The following SNAP91 variants were observed in gnomAD, a reference collection of about 807,000 sequenced individuals.
SNAP91 encodes the protein clathrin coat assembly protein AP180.
SNAP91 carries 27 observed loss-of-function variants against 100.3 expected under a neutral mutation model. That is an observed-to-expected ratio of 0.27 (90% CI 0.20 to 0.37). SNAP91 has a LOEUF of 0.37. Ranked by LOEUF, SNAP91 falls within the 10% of genes least tolerant of loss-of-function variation. The pLI is 1.00. For synonymous variants in SNAP91, 404 were observed against 398.6 expected (o/e 1.01, Z -0.16); for missense variants, 986 against 1,123.7 (o/e 0.88, Z 1.75).
chr6:83,706,166 T>C (rs1409334284), intron 2 of SNAP91, among the ~76,000 whole-genome samples: 1 of 152,262 alleles, frequency 6.6e-6, no homozygotes, highest in African/African-American at 2.4e-5. Flanking sequence ...GTGAATGTTC[T>C]CTGAAATATA....
Position 83,591,186 on chromosome 6 carries a change from C to CA in SNAP91, c.2014+24dup, listed in dbSNP as rs572298497. The CA allele has an allele frequency of 1.4e-3, 2,011 of 1,471,864 alleles. 17 individuals carry two copies. The African/African-American group carries it at 0.024, about 18-fold the overall frequency. 91.2% of individuals were successfully genotyped at this position (1,471,864 alleles called of 1,614,324 possible). A position where few individuals can be genotyped will look rare whatever the true frequency, so the allele number is the denominator to read the frequency against. ...AAAATATATCCAAATTTAACTTCTA[C>CA]AAAATACCATTTTAATTTAATTACC... On this transcript the variant is annotated intron_variant, in intron 22 of 29. Coordinates refer to ENST00000369694, the MANE Select transcript of SNAP91 (RefSeq NM_001242792.2).
chr6:83,676,877 G>A (rs772216005), intron 2 of SNAP91, among the ~76,000 whole-genome samples: 2 of 152,124 alleles, frequency 1.3e-5, no homozygotes, highest in Non-Finnish European at 2.9e-5. Flanking sequence ...CAATGGGATA[G>A]AAGCAGGAAA....
intron 2 of SNAP91, among the ~76,000 whole-genome samples, chr6:83,673,312 G>A (rs2098814991): frequency 6.6e-6 from 1 of 152,016 alleles, no homozygotes; most frequent in Admixed American, 6.6e-5. Flanking sequence ...CTCATGAATG[G>A]GATTAGTATC....
Position 83,683,504 on chromosome 6 carries a change from C to CTCT in SNAP91, c.131-17926_131-17924dup, listed in dbSNP as rs1189698673. 5.3e-5 allele frequency among the ~76,000 whole-genome samples: 8 copies of CTCT among 152,274 alleles called. No homozygotes were observed. In the East Asian group the frequency reaches 1.2e-3, roughly 22 times the overall value. On this transcript the variant is annotated intron_variant, in intron 2 of 29. Transcript: ENST00000369694. ...CATCTCCTCCTCTCTCTTGCTCCCT[C>CTCT]TCTTGCCATGTGACATGCCTGCTCC...
At chr6:83,580,369 G>C (rs1826250008) in intron 24 of SNAP91, 81 bp downstream of exon 24, 2 of 460,918 alleles carry the variant, frequency 4.3e-6, no homozygotes, top group Non-Finnish European at 6.3e-6. Flanking sequence ...CATATGAGAT[G>C]AGAGAGAGAG....
intron 22 of SNAP91, among the ~76,000 whole-genome samples, chr6:83,588,842 A>G (rs1000918864): frequency 2.0e-5 from 3 of 152,076 alleles, no homozygotes; most frequent in African/African-American, 7.2e-5. Context: ...ATGGAGGAGG[A>G]TCCTGGAGTA....
In SNAP91 at chr6:83,631,617, T is replaced by C. The variant is rs536130873; in HGVS notation, c.766-8275A>G. Among the ~76,000 whole-genome samples, 7 of 152,232 alleles carry C rather than the reference T, an allele frequency of 4.6e-5. No homozygotes were observed. The East Asian group carries it at 9.6e-4, about 21-fold the overall frequency. On this transcript the variant is annotated intron_variant, in intron 8 of 29. Coordinates refer to ENST00000369694, the MANE Select transcript of SNAP91 (RefSeq NM_001242792.2). Reference sequence around the variant, plus strand: ...TCCTTTTTTTGTCTTTTTTAACTGCTGTTAAAGTTTGTATTGTCTGATATA... The same window carrying C: ...TCCTTTTTTTGTCTTTTTTAACTGCCGTTAAAGTTTGTATTGTCTGATATA...
At chr6:83,663,783 T>C (rs1207888332) in intron 3 of SNAP91, among the ~76,000 whole-genome samples, 1 of 152,124 alleles carries the variant, frequency 6.6e-6, no homozygotes, top group Non-Finnish European at 1.5e-5. Context: ...AAACAGATTT[T>C]CAATGTAGAT....
chr6:83,611,676 G>A (rs2096084928), intron 11 of SNAP91, among the ~76,000 whole-genome samples: 1 of 151,414 alleles, frequency 6.6e-6, no homozygotes. Context: ...AAATTTAACA[G>A]TATTATATGC....
chr6:83,628,522 T>TG, intron 8 of SNAP91, among the ~76,000 whole-genome samples: 1 of 149,320 alleles, frequency 6.7e-6, no homozygotes, highest in African/African-American at 2.5e-5. Flanking sequence ...CAACATCTAC[T>TG]GTTTTTTTTT....
intron 10 of SNAP91, among the ~76,000 whole-genome samples, chr6:83,615,369 G>A (rs969975128): frequency 3.5e-4 from 53 of 152,244 alleles, no homozygotes; most frequent in African/African-American, 9.4e-4. Context: ...TAACTTTAGC[G>A]GATGTACATA....
chr6:83,559,699 CTT>C (rs5877850), intron 28 of SNAP91, among the ~76,000 whole-genome samples: 71,986 of 151,680 alleles, frequency 0.47, 17,105 homozygotes, highest in South Asian at 0.53. Context: ...GTTTGGCAAA[CTT>C]ATTGCAGTTA....
At chr6:83,591,025 C>A (rs1181451109) in intron 22 of SNAP91, among the ~76,000 whole-genome samples, 186 bp downstream of exon 22, 1 of 152,024 alleles carries the variant, frequency 6.6e-6, no homozygotes, top group Non-Finnish European at 1.5e-5. Flanking sequence ...TATGATTGAT[C>A]CTGTCACCCA....
chr6:83,623,379 TA>T, intron 8 of SNAP91, 37 bp from the exon 9 acceptor site: 1 of 1,482,156 alleles, frequency 6.7e-7, no homozygotes, highest in Non-Finnish European at 9.3e-7. Flanking sequence ...GTAGAACTTT[TA>T]AAATTAATTT....
At chr6:83,696,038 G>A (rs898966776) in intron 2 of SNAP91, among the ~76,000 whole-genome samples, 2 of 151,994 alleles carry the variant, frequency 1.3e-5, no homozygotes, top group East Asian at 3.9e-4. Context: ...AGCCTCCTAT[G>A]GAAACTTCCA....
chr6:83,680,623 C>T lies in SNAP91; in HGVS notation c.131-15042G>A, dbSNP rs115325803. 1.0e-3 allele frequency among the ~76,000 whole-genome samples: 155 copies of T among 152,184 alleles called. 1 individual carries two copies. Among genetic ancestry groups the T allele is most frequent in the Middle Eastern group, 3.4e-3 (1 of 294 alleles). ...CTAAAAAGGATGATATACAAGTTTG[C>T]GGGTATTTTCTTGAGTTCTCTAGTG... On this transcript the variant is annotated intron_variant, in intron 2 of 29. Coordinates refer to ENST00000369694, the MANE Select transcript of SNAP91 (RefSeq NM_001242792.2).
intron 26 of SNAP91, among the ~76,000 whole-genome samples, chr6:83,567,393 T>C (rs1323820604): frequency 6.6e-6 from 1 of 152,054 alleles, no homozygotes; most frequent in Non-Finnish European, 1.5e-5. Flanking sequence ...CCGAAAACCA[T>C]AAAAACCCTA....
intron 8 of SNAP91, among the ~76,000 whole-genome samples, chr6:83,639,371 G>A (rs2097584355): frequency 6.6e-6 from 1 of 152,098 alleles, no homozygotes; most frequent in Non-Finnish European, 1.5e-5. Context: ...TGATTTAAAT[G>A]TGAAAGAAAA....
rs1173940048 is a variant in SNAP91 at position 83,704,464 on chromosome 6, T to C, written c.130+3334A>G. Among the ~76,000 whole-genome samples the C allele has an allele frequency of 5.3e-5, 8 of 152,200 alleles. 1 individual carries two copies. In the South Asian group the frequency reaches 1.7e-3, roughly 31 times the overall value. ...GGAATAAATGTATATAGTTTCTTCATCTCGACCTTTTCACCAGATATAATT... is the reference window on the plus strand; with the variant it reads ...GGAATAAATGTATATAGTTTCTTCACCTCGACCTTTTCACCAGATATAATT... On this transcript the variant is annotated intron_variant, in intron 2 of 29. Transcript: ENST00000369694.
Sources: allele counts gnomAD v4.1 joint callset (sites outside exome capture counted in the v4.1 genomes callset), GRCh38; gene constraint gnomAD v4.1.1; transcripts MANE v1.5; gene names NCBI Gene and HGNC (gene_info 2026-07-23, HGNC 2026-07-21).